Variants in ADAM22 observed in about 807,000 individuals in gnomAD.
ADAM22 encodes ADAM metallopeptidase domain 22.
ADAM22 carries 65 observed loss-of-function variants against 144.6 expected under a neutral mutation model. The observed-to-expected ratio is 0.45, with a 90% CI of 0.37 to 0.55. The LOEUF is 0.55. Among genes scored for constraint, ADAM22 ranks in the 20% least tolerant of loss-of-function variants. The pLI, the probability that ADAM22 is intolerant of heterozygous loss-of-function variation, is 0.00. For missense variants in ADAM22, 974 were observed against 1,184.9 expected, an observed-to-expected ratio of 0.82 and a Z score of 2.61; for synonymous variants, 391 against 412.6, an observed-to-expected ratio of 0.95 and a Z score of 0.63.
intron 3 of ADAM22, among the ~76,000 whole-genome samples, chr7:88,041,711 T>C (rs148492132): frequency 1.3e-5 from 2 of 152,122 alleles, no homozygotes; most frequent in East Asian, 3.9e-4. Context: ...AGGTAAAGTG[T>C]AATGTAAAGT....
intron 3 of ADAM22, among the ~76,000 whole-genome samples, chr7:88,042,057 T>C (rs1178292541): frequency 6.6e-6 from 1 of 152,108 alleles, no homozygotes; most frequent in African/African-American, 2.4e-5. Context: ...AAATTGATGA[T>C]AGAGCTTTTC....
chr7:88,001,953 C>T (rs1792667369), intron 3 of ADAM22, among the ~76,000 whole-genome samples: 1 of 151,986 alleles, frequency 6.6e-6, no homozygotes. Context: ...TGTGTCATCT[C>T]TCTGGAGGTC....
intron 22 of ADAM22, 93 bp from the exon 23 acceptor site, chr7:88,162,919 G>A (rs925464232): frequency 2.0e-5 from 26 of 1,333,014 alleles, no homozygotes; most frequent in Non-Finnish European, 2.5e-5. Context: ...ATAGAATAGA[G>A]GAAGCAATAT....
At chr7:88,172,517 T>C (rs1168064320) in intron 26 of ADAM22, among the ~76,000 whole-genome samples, 2 of 151,968 alleles carry the variant, frequency 1.3e-5, no homozygotes, top group Non-Finnish European at 2.9e-5. Flanking sequence ...GGTGTATAAA[T>C]GTGGTAATTT....
chr7:88,017,775 GTGTGTGTGTATATATATATA>G (rs1796869119), intron 3 of ADAM22, among the ~76,000 whole-genome samples: 1 of 145,886 alleles, frequency 6.9e-6, no homozygotes, highest in South Asian at 2.1e-4. Flanking sequence ...GCAAGCATAT[GTGTGTGTGTATATATATATA>G]TGTGTGTGTA....
intron 26 of ADAM22, among the ~76,000 whole-genome samples, chr7:88,175,906 A>G (rs940947937): frequency 2.0e-5 from 3 of 152,182 alleles, no homozygotes; most frequent in Non-Finnish European, 4.4e-5. Flanking sequence ...ATGATATGTA[A>G]TTAATAATTG....
intron 3 of ADAM22, among the ~76,000 whole-genome samples, chr7:88,051,553 G>T (rs1806374529): frequency 6.6e-6 from 1 of 152,054 alleles, no homozygotes; most frequent in Non-Finnish European, 1.5e-5. Context: ...GCCTGTTGTG[G>T]GGTGGGGGGA....
chr7:88,133,619 T>C (rs559416023), intron 12 of ADAM22, among the ~76,000 whole-genome samples: 206 of 152,244 alleles, frequency 1.4e-3, no homozygotes, highest in African/African-American at 4.7e-3. Context: ...TTCCAGGGAA[T>C]TGAATAATTC....
chr7:88,040,066 C>T, intron 3 of ADAM22, among the ~76,000 whole-genome samples: 1 of 151,964 alleles, frequency 6.6e-6, no homozygotes, highest in Non-Finnish European at 1.5e-5. Flanking sequence ...ACCACCAGTT[C>T]CTATTGCATC....
chr7:87,969,923 A>G (rs1269838917), intron 2 of ADAM22, among the ~76,000 whole-genome samples: 1 of 152,200 alleles, frequency 6.6e-6, no homozygotes, highest in African/African-American at 2.4e-5. Flanking sequence ...TGGAAAAGGG[A>G]GAGTAACATG....
Position 87,990,084 on chromosome 7 carries a change from A to G in ADAM22, c.323+11672A>G, listed in dbSNP as rs568366254. On this transcript the variant is annotated intron_variant, in intron 3 of 31. Coordinates refer to ENST00000413139, the MANE Select transcript of ADAM22 (RefSeq NM_001324418.2). Reference sequence around the variant, plus strand: ...TATTCATTCACTCATCTATCCATCCATCAAGTGTATATAGAGTACACTTGA... The same window carrying G: ...TATTCATTCACTCATCTATCCATCCGTCAAGTGTATATAGAGTACACTTGA... Among the ~76,000 whole-genome samples the G allele has an allele frequency of 2.0e-5, 3 of 152,246 alleles. No individual in the cohort carries two copies. The East Asian group carries it at 5.8e-4, about 29-fold the overall frequency.
Position 88,085,763 on chromosome 7 carries a change from C to G in ADAM22, c.390+10071C>G, listed in dbSNP as rs1818282558. Reference sequence around the variant, plus strand: ...TGCATCCCAAGCCCTTTTCATCCTCCTCTTGTAAGATTTGTAAACACTATC... The same window carrying G: ...TGCATCCCAAGCCCTTTTCATCCTCGTCTTGTAAGATTTGTAAACACTATC... On this transcript the variant is annotated intron_variant, in intron 4 of 31. Transcript: ENST00000413139. Among the ~76,000 whole-genome samples the G allele has an allele frequency of 2.0e-5, 3 of 152,192 alleles. No homozygotes were observed. The South Asian group carries it at 6.2e-4, about 31-fold the overall frequency.
intron 3 of ADAM22, among the ~76,000 whole-genome samples, chr7:88,018,675 CT>C (rs1343314718): frequency 6.6e-6 from 1 of 152,158 alleles, no homozygotes; most frequent in African/African-American, 2.4e-5. Context: ...TGAACTCACT[CT>C]TTAAGATTCC....
intron 4 of ADAM22, among the ~76,000 whole-genome samples, chr7:88,082,930 C>A (rs1217357866): frequency 6.6e-6 from 1 of 152,126 alleles, no homozygotes; most frequent in African/African-American, 2.4e-5. Context: ...GTCAGTGTGG[C>A]GATTCCTCAG....
intron 2 of ADAM22, among the ~76,000 whole-genome samples, chr7:87,955,160 T>A (rs575615621): frequency 6.6e-6 from 1 of 152,330 alleles, no homozygotes; most frequent in South Asian, 2.1e-4. Flanking sequence ...CCATCCAGCT[T>A]TGTTCCGTTG....
chr7:88,100,231 G>T (rs1444672616), intron 4 of ADAM22, among the ~76,000 whole-genome samples: 1 of 151,956 alleles, frequency 6.6e-6, no homozygotes, highest in Non-Finnish European at 1.5e-5. Context: ...ATAAAGGTAA[G>T]GAAGTAAACA....
intron 17 of ADAM22, 83 bp downstream of exon 17, chr7:88,145,590 A>T: frequency 9.0e-7 from 1 of 1,108,928 alleles, no homozygotes; most frequent in South Asian, 1.3e-5. Context: ...ATAATCTAAT[A>T]ACAGAAATAG....
chr7:88,103,464 T>C (rs1823500071), intron 4 of ADAM22, among the ~76,000 whole-genome samples: 1 of 152,144 alleles, frequency 6.6e-6, no homozygotes, highest in Non-Finnish European at 1.5e-5. Flanking sequence ...ATTAGGAAGA[T>C]AAACCAATAA....
intron 2 of ADAM22, among the ~76,000 whole-genome samples, chr7:87,936,319 G>A (rs1043483843): frequency 1.3e-5 from 2 of 152,008 alleles, no homozygotes; most frequent in Admixed American, 6.6e-5. Flanking sequence ...TTTTAATGAT[G>A]GATTCTTTTA....
Sources: allele counts gnomAD v4.1 joint callset (sites outside exome capture counted in the v4.1 genomes callset), GRCh38; gene constraint gnomAD v4.1.1; transcripts MANE v1.5; gene names NCBI Gene and HGNC (gene_info 2026-07-23, HGNC 2026-07-21).